Variants in CLEC3B observed in about 807,000 individuals in gnomAD.
CLEC3B encodes tetranectin.
In CLEC3B, 13 loss-of-function variants were observed where a neutral mutation model predicts 15.4. The ratio of observed to expected loss-of-function variants is 0.84; its 90% CI spans 0.55 to 1.34. The LOEUF is 1.34. CLEC3B is among the 40% of genes most tolerant of loss of function. CLEC3B has a pLI of 0.00. For missense variants in CLEC3B, 242 were observed against 268.6 expected, an observed-to-expected ratio of 0.90 and a Z score of 0.69; for synonymous variants, 112 against 114.7, an observed-to-expected ratio of 0.98 and a Z score of 0.15.
At position 45,026,345 on chromosome 3, in the gene CLEC3B, C is replaced by A; in HGVS notation, c.-18C>A. On this transcript the variant is annotated 5_prime_UTR_variant, in exon 1 of 3. Transcript: ENST00000296130. ...CAGACCCGCTGCAGGCAGCAGCAGC[C>A]CCCGCCCGCGCAGCAGCATGGAGCT... The A allele has an allele frequency of 6.2e-7, 1 of 1,606,172 alleles. No individual in the cohort carries two copies. Among genetic ancestry groups the A allele is most frequent in the Non-Finnish European group, 8.5e-7 (1 of 1,173,970 alleles).
intron 1 of CLEC3B, among the ~76,000 whole-genome samples, chr3:45,028,105 G>A (rs573301173): frequency 1.6e-4 from 25 of 152,242 alleles, no homozygotes; most frequent in Non-Finnish European, 2.5e-4. Context: ...GCAGTCTCCC[G>A]CCCACCAACA....
Position 45,035,763 on chromosome 3 carries a change from G to A in CLEC3B, c.448G>A (p.Ala150Thr), listed in dbSNP as rs372417786. ...GGGCACCTGGGTGGACATGACCGGCGCCCGCATCGCCTACAAGAACTGGGA... is the reference window on the plus strand; with the variant it reads ...GGGCACCTGGGTGGACATGACCGGCACCCGCATCGCCTACAAGAACTGGGA... The part of the protein sequence containing the change: ...AEGTWVDMTG[A>T]RIAYKNWETE... Residue 150 changes from alanine (A) to threonine (T), a missense_variant, in exon 3 of 3, where the codon GCC becomes ACC. Coordinates refer to ENST00000296130, the MANE Select transcript of CLEC3B (RefSeq NM_003278.3). 10 of 1,613,550 alleles carry A rather than the reference G, an allele frequency of 6.2e-6. No individual in the cohort carries two copies. The highest frequency in any genetic ancestry group is 1.6e-4 in the Middle Eastern group (1 of 6,084).
At chr3:45,027,647 C>T (rs915107219) in intron 1 of CLEC3B, among the ~76,000 whole-genome samples, 1 of 152,126 alleles carries the variant, frequency 6.6e-6, no homozygotes, top group Non-Finnish European at 1.5e-5. Context: ...AGGGGCTGGG[C>T]GCAGTCTCAA....
chr3:45,035,089 G>A (rs901146997), intron 2 of CLEC3B, among the ~76,000 whole-genome samples: 3 of 152,240 alleles, frequency 2.0e-5, no homozygotes, highest in South Asian at 2.1e-4. Context: ...TGAGCCCTAG[G>A]AGCCACACAT....
intron 2 of CLEC3B, among the ~76,000 whole-genome samples, chr3:45,033,102 A>G (rs1697587307): frequency 6.6e-6 from 1 of 152,186 alleles, no homozygotes; most frequent in African/African-American, 2.4e-5. Context: ...CACAGCGGGT[A>G]TGTTTAGAAT....
In CLEC3B at chr3:45,029,224, G is replaced by T. The variant is rs181599847; in HGVS notation, c.110-1603G>T. The stretch of plus-strand genomic sequence containing the variant: ...AAACTTTGCACATATGGGCACCTTG[G>T]TGCAAATTACAAAAGGTACCTCCTC... On this transcript the variant is annotated intron_variant, in intron 1 of 2. Coordinates refer to ENST00000296130, the MANE Select transcript of CLEC3B (RefSeq NM_003278.3). 9.6e-4 allele frequency among the ~76,000 whole-genome samples: 147 copies of T among 152,348 alleles called. 2 individuals are homozygous for T. The highest frequency in any genetic ancestry group is 3.5e-3 in the African/African-American group (145 of 41,586).
intron 2 of CLEC3B, 32 bp downstream of exon 2, chr3:45,030,957 A>AGCGTCT (rs1181312468): frequency 2.7e-6 from 4 of 1,460,958 alleles, no homozygotes; most frequent in Non-Finnish European, 3.7e-6. Context: ...TCTGGGCAGG[A>AGCGTCT]GCGTCTGAGA....
intron 2 of CLEC3B, 101 bp from the exon 3 acceptor site, chr3:45,035,423 A>G: frequency 2.0e-6 from 3 of 1,474,452 alleles, no homozygotes; most frequent in Non-Finnish European, 2.7e-6. Flanking sequence ...TGATGGGATA[A>G]ACGGGATGGG....
chr3:45,031,600 G>C (rs1389486361), intron 2 of CLEC3B, among the ~76,000 whole-genome samples: 4 of 152,182 alleles, frequency 2.6e-5, no homozygotes, highest in Non-Finnish European at 5.9e-5. Context: ...GGTGTTCCTG[G>C]CTCTGCACTA....
intron 1 of CLEC3B, among the ~76,000 whole-genome samples, chr3:45,029,736 T>C (rs77356307): frequency 0.025 from 3,780 of 152,294 alleles, 170 homozygotes; most frequent in African/African-American, 0.084. Flanking sequence ...CAGCCTTTCC[T>C]GAAGCCCTGG....
intron 2 of CLEC3B, among the ~76,000 whole-genome samples, chr3:45,032,682 C>A (rs1468021151): frequency 6.6e-6 from 1 of 152,222 alleles, no homozygotes; most frequent in Admixed American, 6.5e-5. Flanking sequence ...TAACTTTGGA[C>A]AGCTTGCTTG....
At chr3:45,027,630 A>G (rs1321642783) in intron 1 of CLEC3B, among the ~76,000 whole-genome samples, 2 of 152,252 alleles carry the variant, frequency 1.3e-5, no homozygotes, top group Admixed American at 1.3e-4. Flanking sequence ...CTCTGGGAAG[A>G]AAAACCAGGG....
intron 2 of CLEC3B, 113 bp from the exon 3 acceptor site, chr3:45,035,411 A>G: frequency 1.4e-6 from 2 of 1,416,348 alleles, no homozygotes; most frequent in Middle Eastern, 1.9e-4. Context: ...GGCTGTCAGG[A>G]CTGATGGGAT....
chr3:45,030,162 GA>G (rs1559758970), intron 1 of CLEC3B: 1 of 985,770 alleles, frequency 1.0e-6, no homozygotes, highest in East Asian at 1.1e-4. Context: ...TCCTCTGTAA[GA>G]GTGGAAAACC....
At chr3:45,033,244 G>T (rs1697590031) in intron 2 of CLEC3B, among the ~76,000 whole-genome samples, 1 of 152,182 alleles carries the variant, frequency 6.6e-6, no homozygotes, top group African/African-American at 2.4e-5. Flanking sequence ...GCCACCTGGG[G>T]TGAGGTAATG....
At position 45,035,962 on chromosome 3, in the gene CLEC3B, C is replaced by A; in HGVS notation, c.*38C>A. ...GGGCCGTGGGGGGCCTGGAGGAGGG[C>A]AGGGGCCGCGGGAGGCCGGGAGGAG... On this transcript the variant is annotated 3_prime_UTR_variant, in exon 3 of 3. Coordinates refer to ENST00000296130, the MANE Select transcript of CLEC3B (RefSeq NM_003278.3). 6.6e-7 allele frequency: 1 copy of A among 1,517,420 alleles called. No individual in the cohort carries two copies. The highest frequency in any genetic ancestry group is 8.8e-7 in the Non-Finnish European group (1 of 1,130,808). 94.0% of individuals were successfully genotyped at this position (1,517,420 alleles called of 1,614,324 possible). A position where few individuals can be genotyped will look rare whatever the true frequency, so the allele number is the denominator to read the frequency against.
Position 45,035,778 on chromosome 3 carries a change from A to G in CLEC3B, c.463A>G (p.Lys155Glu), listed in dbSNP as rs1697634433. The G allele has an allele frequency of 6.2e-7, 1 of 1,613,704 alleles. No homozygotes were observed. The highest frequency in any genetic ancestry group is 8.5e-7 in the Non-Finnish European group (1 of 1,179,982). ...CATGACCGGCGCCCGCATCGCCTAC[A>G]AGAACTGGGAGACTGAGATCACCGC... The part of the protein sequence containing the change: ...VDMTGARIAY[K>E]NWETEITAQP... Residue 155 changes from lysine to glutamate, a missense_variant, in exon 3 of 3, where the codon AAG (lysine) becomes GAG (glutamate). By Grantham distance (56) the Lys-to-Glu change is moderately conservative (BLOSUM62 1). Transcript: ENST00000296130.
Position 45,034,311 on chromosome 3 carries a change from G to A in CLEC3B, c.209-1213G>A, listed in dbSNP as rs76272482. On this transcript the variant is annotated intron_variant, in intron 2 of 2. Coordinates refer to ENST00000296130, the MANE Select transcript of CLEC3B (RefSeq NM_003278.3). ...AGCTGACTTGGGGCAGAGTCTGTGG[G>A]TAGACACCTCTGTAATGCTTCAGGC... is the stretch of plus-strand genomic sequence containing the variant. 6.6e-3 allele frequency among the ~76,000 whole-genome samples: 998 copies of A among 152,328 alleles called. 15 individuals are homozygous for A. Among genetic ancestry groups the A allele is most frequent in the African/African-American group, 0.023 (941 of 41,576 alleles).
intron 2 of CLEC3B, 28 bp downstream of exon 2, chr3:45,030,953 C>G (rs748509815): frequency 6.7e-7 from 1 of 1,493,930 alleles, no homozygotes; most frequent in South Asian, 1.2e-5. Flanking sequence ...CCTCTCTGGG[C>G]AGGAGCGTCT....
Sources: gnomAD v4.1 joint callset for allele counts (sites outside exome capture counted in the v4.1 genomes callset) on GRCh38, gnomAD v4.1.1 for gene constraint, MANE v1.5 for transcripts, NCBI Gene and HGNC (gene_info 2026-07-23, HGNC 2026-07-21) for gene names.